Variants in ETV6 observed in about 807,000 individuals in gnomAD.
ETV6 encodes the protein transcription factor ETV6.
In ETV6, 16 loss-of-function variants were observed where a neutral mutation model predicts 51.1. That is an observed-to-expected ratio of 0.31 (90% CI 0.21 to 0.48). The LOEUF is 0.48. Among genes scored for constraint, ETV6 ranks in the 20% least tolerant of loss-of-function variants. The probability of loss-of-function intolerance (pLI) is 0.99; values close to 1 mark genes in which losing one functional copy is unlikely to be tolerated. For missense variants in ETV6, 458 were observed against 594.8 expected, an observed-to-expected ratio of 0.77 and a Z score of 2.39; for synonymous variants, 240 against 224.1, an observed-to-expected ratio of 1.07 and a Z score of -0.64.
At chr12:11,827,603 C>A (rs1339496250) in intron 2 of ETV6, among the ~76,000 whole-genome samples, 2 of 152,118 alleles carry the variant, frequency 1.3e-5, no homozygotes, top group Non-Finnish European at 2.9e-5. Flanking sequence ...CAGTGATTAT[C>A]AGGACTGTCT....
chr12:11,776,778 T>C (rs1945331982), intron 2 of ETV6, among the ~76,000 whole-genome samples: 1 of 152,170 alleles, frequency 6.6e-6, no homozygotes, highest in Admixed American at 6.5e-5. Context: ...ACACTTTTGC[T>C]CTTTGGCTCA....
At chr12:11,796,170 A>G (rs1945673578) in intron 2 of ETV6, among the ~76,000 whole-genome samples, 1 of 131,540 alleles carries the variant, frequency 7.6e-6, no homozygotes, top group Admixed American at 7.7e-5. Context: ...TGTCCAGTCA[A>G]GCAGGAAAGT....
At chr12:11,833,290 A>G (rs182149914) in intron 2 of ETV6, among the ~76,000 whole-genome samples, 2 of 152,310 alleles carry the variant, frequency 1.3e-5, no homozygotes, top group Admixed American at 6.5e-5. Flanking sequence ...TGAAAATTGT[A>G]TAAGTACATT....
At chr12:11,870,054 C>A (rs566254330) in intron 5 of ETV6, 85 bp downstream of exon 5, 11 of 1,463,548 alleles carry the variant, frequency 7.5e-6, no homozygotes, top group Middle Eastern at 2.4e-4. Context: ...CAGCCAGCCT[C>A]GCACCATTCC....
In ETV6 at chr12:11,750,683, GA is replaced by G. The variant is rs1392587019; in HGVS notation, c.34-1766del. 2.7e-5 allele frequency: 9 copies of G among 328,816 alleles called. No individual in the cohort carries two copies. The East Asian group carries it at 6.6e-4, about 24-fold the overall frequency. 20.4% of individuals were successfully genotyped at this position (328,816 alleles called of 1,614,324 possible). On this transcript the variant is annotated intron_variant, in intron 1 of 7. Transcript: ENST00000396373. The stretch of plus-strand genomic sequence containing the variant: ...TGGGGGGTGTCAGACAAGAGTTGAA[GA>G]GTATGGAGAATTTGTTAAATTCTAA...
chr12:11,829,056 T>G (rs910167580), intron 2 of ETV6, among the ~76,000 whole-genome samples: 3 of 152,086 alleles, frequency 2.0e-5, no homozygotes, highest in African/African-American at 7.2e-5. Flanking sequence ...CAACCCCACC[T>G]GAGCCATTTT....
chr12:11,820,641 G>A (rs1400223722), intron 2 of ETV6, among the ~76,000 whole-genome samples: 1 of 152,128 alleles, frequency 6.6e-6, no homozygotes, highest in African/African-American at 2.4e-5. Flanking sequence ...GAACAGCAGA[G>A]AGGTCAGCGT....
chr12:11,713,613 CAG>C (rs888046104), intron 1 of ETV6, among the ~76,000 whole-genome samples: 5 of 152,148 alleles, frequency 3.3e-5, no homozygotes, highest in Non-Finnish European at 7.4e-5. Context: ...GTCTTCCACT[CAG>C]GGGGGCTTTC....
At chr12:11,830,728 C>G (rs374773978) in intron 2 of ETV6, among the ~76,000 whole-genome samples, 1 of 152,236 alleles carries the variant, frequency 6.6e-6, no homozygotes, top group Non-Finnish European at 1.5e-5. Context: ...GTGCAAATCA[C>G]TGCAAAATCC....
intron 4 of ETV6, among the ~76,000 whole-genome samples, chr12:11,860,446 C>T (rs1946699571): frequency 6.6e-6 from 1 of 152,114 alleles, no homozygotes; most frequent in Non-Finnish European, 1.5e-5. Context: ...CTTCAGGCAA[C>T]TGCCTTGGGT....
chr12:11,658,048 T>TA (rs1420917367), intron 1 of ETV6, among the ~76,000 whole-genome samples: 2 of 152,162 alleles, frequency 1.3e-5, no homozygotes, highest in Non-Finnish European at 2.9e-5. Flanking sequence ...GAAGTGGTAA[T>TA]AAAAATGTGT....
intron 5 of ETV6, among the ~76,000 whole-genome samples, chr12:11,871,490 G>A (rs935319414): frequency 2.0e-5 from 3 of 151,958 alleles, no homozygotes; most frequent in African/African-American, 4.8e-5. Context: ...GCGCCTGGCC[G>A]GTACTGTCCC....
chr12:11,707,891 G>A (rs1176721841), intron 1 of ETV6, among the ~76,000 whole-genome samples: 1 of 152,196 alleles, frequency 6.6e-6, no homozygotes, highest in Non-Finnish European at 1.5e-5. Flanking sequence ...ACATGGTTAT[G>A]ATAATTTTAA....
chr12:11,654,294 A>G (rs1242741429), intron 1 of ETV6, among the ~76,000 whole-genome samples: 1 of 152,134 alleles, frequency 6.6e-6, no homozygotes, highest in Non-Finnish European at 1.5e-5. Flanking sequence ...ACTTTCAAAC[A>G]TTCAGAGTTG....
intron 1 of ETV6, among the ~76,000 whole-genome samples, chr12:11,749,339 AC>A: frequency 1.8e-5 from 2 of 108,874 alleles, no homozygotes; most frequent in Non-Finnish European, 2.0e-5. Context: ...ACACACACAC[AC>A]ACACACACAC....
intron 2 of ETV6, among the ~76,000 whole-genome samples, chr12:11,769,555 G>A (rs1375827726): frequency 6.6e-6 from 1 of 152,182 alleles, no homozygotes; most frequent in African/African-American, 2.4e-5. Flanking sequence ...TTCATAGTAA[G>A]GGGAGAAATG....
intron 3 of ETV6, among the ~76,000 whole-genome samples, chr12:11,842,337 A>G (rs1364537342): frequency 6.6e-6 from 1 of 150,950 alleles, no homozygotes; most frequent in Non-Finnish European, 1.5e-5. Context: ...TTCTACCTCC[A>G]TCTAGGCTAG....
At chr12:11,749,132 T>C (rs145740467) in intron 1 of ETV6, among the ~76,000 whole-genome samples, 30 of 152,272 alleles carry the variant, frequency 2.0e-4, no homozygotes, top group Middle Eastern at 3.4e-3. Context: ...TAAACAATAA[T>C]GTAACCACAT....
intron 7 of ETV6, among the ~76,000 whole-genome samples, chr12:11,889,592 C>G (rs899910148): frequency 6.6e-6 from 1 of 152,048 alleles, no homozygotes; most frequent in Admixed American, 6.6e-5. Context: ...GGACTCAACT[C>G]GTGAGAAGAG....
Sources: allele counts gnomAD v4.1 joint callset (sites outside exome capture counted in the v4.1 genomes callset), GRCh38; gene constraint gnomAD v4.1.1; transcripts MANE v1.5; gene names NCBI Gene and HGNC (gene_info 2026-07-23, HGNC 2026-07-21).